IGSF10: variants seen among roughly 807,000 people sequenced by gnomAD.
IGSF10 encodes immunoglobulin superfamily member 10, also known as calvaria mechanical force protein 608.
Under a neutral mutation model 128.2 loss-of-function variants are expected in IGSF10, and 126 were observed. That is an observed-to-expected ratio of 0.98 (90% CI 0.85 to 1.14). The LOEUF (loss-of-function observed/expected upper bound fraction) is 1.14. IGSF10 is among the 50% of genes most tolerant of loss of function. The probability of loss-of-function intolerance (pLI) is 0.00; values close to 1 mark genes in which losing one functional copy is unlikely to be tolerated. For synonymous variants in IGSF10, 1,185 were observed against 1,146.2 expected (o/e 1.03, Z -0.68); for missense variants, 3,295 against 3,149.8 (o/e 1.05, Z -1.10).
rs765077439 is a variant in IGSF10, at chr3:151,448,229, T to C, written c.1752A>G (p.Thr584=). The stretch of plus-strand genomic sequence containing the variant: ...GATCAAGTGTTTCACCAATGAAAAC[T>C]GTGTGATGAATCCCATTTTCCTGAT... ...EAYQENGIHH[T]VFIGETLDLP... Residue 584 remains threonine, a synonymous_variant, in exon 6 of 8, where the codon ACA becomes ACG. Transcript: ENST00000282466. 5 of 1,614,122 alleles carry C rather than the reference T, an allele frequency of 3.1e-6. No homozygotes were observed. The East Asian group carries it at 1.1e-4, about 36-fold the overall frequency.
At chr3:151,529,283 A>G in the IGSF10 span, among the ~76,000 whole-genome samples, 1 of 152,214 alleles carries the variant, frequency 6.6e-6, no homozygotes, top group Non-Finnish European at 1.5e-5. Context: ...GCGCAGCTTC[A>G]GCAGATGTAA....
At chr3:151,607,998 C>T in the IGSF10 span, among the ~76,000 whole-genome samples, 2 of 128,320 alleles carry the variant, frequency 1.6e-5, no homozygotes, top group Admixed American at 1.5e-4. Flanking sequence ...AAACTTAAAA[C>T]ATAAAAAAGA....
At chr3:151,553,847 C>T in the IGSF10 span, among the ~76,000 whole-genome samples, 1 of 151,810 alleles carries the variant, frequency 6.6e-6, no homozygotes, top group African/African-American at 2.4e-5. Context: ...GGCATGGTGG[C>T]TCATGCCTGC....
chr3:151,566,423 G>T, the IGSF10 span, among the ~76,000 whole-genome samples: 2 of 152,282 alleles, frequency 1.3e-5, no homozygotes, highest in African/African-American at 4.8e-5. Context: ...CATTGGTTGT[G>T]TTATGCTATA....
the IGSF10 span, among the ~76,000 whole-genome samples, chr3:151,472,028 A>G: frequency 6.6e-6 from 1 of 152,208 alleles, no homozygotes; most frequent in Non-Finnish European, 1.5e-5. Flanking sequence ...TGAAGCTTCC[A>G]TTGTTGAAAG....
the IGSF10 span, among the ~76,000 whole-genome samples, chr3:151,569,246 A>G: frequency 7.2e-5 from 11 of 152,126 alleles, no homozygotes; most frequent in Admixed American, 7.2e-4. Context: ...AAAGTTTTGT[A>G]GTTTTAGTAG....
At position 151,447,949 on chromosome 3, in the gene IGSF10, C is replaced by G. The variant is rs1721297395; in HGVS notation, c.2032G>C (p.Gly678Arg). 6 of 1,614,024 alleles carry G rather than the reference C, an allele frequency of 3.7e-6. No individual in the cohort carries two copies. The highest frequency in any genetic ancestry group is 1.6e-4 in the Middle Eastern group (1 of 6,062). Residue 678 changes from glycine (G) to arginine (R), a missense_variant, in exon 6 of 8, where the codon GGA (glycine) becomes CGA (arginine). Transcript: ENST00000282466. ...RPLEHDGETE[G>R]SGLDESNPIA... The stretch of plus-strand genomic sequence containing the variant: ...GGATTGGACTCATCAAGTCCAGATC[C>G]CTCTGTTTCTCCATCATGCTCCAAG...
At chr3:151,562,325 G>A in the IGSF10 span, among the ~76,000 whole-genome samples, 1 of 152,116 alleles carries the variant, frequency 6.6e-6, no homozygotes, top group Non-Finnish European at 1.5e-5. Context: ...CCCTTGTTTA[G>A]CATGTCATCA....
At chr3:151,572,132 T>C in the IGSF10 span, among the ~76,000 whole-genome samples, 2 of 152,248 alleles carry the variant, frequency 1.3e-5, no homozygotes, top group Non-Finnish European at 2.9e-5. Flanking sequence ...CGGTATTTTA[T>C]TGAGGATTTT....
the IGSF10 span, among the ~76,000 whole-genome samples, chr3:151,581,790 G>C: frequency 6.6e-6 from 1 of 152,164 alleles, no homozygotes; most frequent in Non-Finnish European, 1.5e-5. Flanking sequence ...GCCATTATTG[G>C]CTGGGCATGG....
At chr3:151,456,544 C>T (rs1176418486) in intron 4 of IGSF10, among the ~76,000 whole-genome samples, 3 of 152,160 alleles carry the variant, frequency 2.0e-5, no homozygotes, top group African/African-American at 4.8e-5. Flanking sequence ...TACTTTCTCA[C>T]TTACTTTTGT....
At chr3:151,593,029 C>T in the IGSF10 span, among the ~76,000 whole-genome samples, 57 of 152,192 alleles carry the variant, frequency 3.7e-4, 1 homozygote, top group Admixed American at 6.5e-4. Flanking sequence ...TGCTTTGGTT[C>T]CATTAGTCAA....
downstream of IGSF10, chr3:151,435,625 TA>T (rs1247124425): frequency 1.4e-4 from 1 of 7,170 alleles, no homozygotes; most frequent in Non-Finnish European, 5.4e-4. Context: ...CTATAATTCT[TA>T]AGTAAGTACT....
Position 151,446,112 on chromosome 3 carries a change from G to A in IGSF10, c.3869C>T (p.Pro1290Leu). 1 of 1,614,128 alleles carries A rather than the reference G, an allele frequency of 6.2e-7. No homozygotes were observed. The highest frequency in any genetic ancestry group is 8.5e-7 in the Non-Finnish European group (1 of 1,180,032). The stretch of plus-strand genomic sequence containing the variant: ...AAGCATAGGGTTAAGGGGTGGGAAG[G>A]GAAGCTCCTTCTTTGTTGGAAGACT... ...PGSLPTKKELPFPPLNPMLPS... is the reference protein window; with the variant it reads ...PGSLPTKKELLFPPLNPMLPS... The change falls in exon 6 of 8, where the codon CCC (proline) becomes CTC (leucine). Residue 1290 changes from proline to leucine, a missense_variant. Coordinates refer to ENST00000282466, the MANE Select transcript of IGSF10 (RefSeq NM_178822.5).
chr3:151,466,264 T>C, the IGSF10 span, among the ~76,000 whole-genome samples: 10 of 152,110 alleles, frequency 6.6e-5, no homozygotes, highest in African/African-American at 1.7e-4. Flanking sequence ...GCTGAGCCCA[T>C]TGTGCTCACT....
the IGSF10 span, among the ~76,000 whole-genome samples, chr3:151,468,728 G>A: frequency 6.6e-6 from 1 of 152,172 alleles, no homozygotes; most frequent in South Asian, 2.1e-4. Flanking sequence ...TGTGAGGGTT[G>A]TTTGTATTTT....
the IGSF10 span, among the ~76,000 whole-genome samples, chr3:151,489,917 C>T: frequency 6.6e-6 from 1 of 152,006 alleles, no homozygotes; most frequent in South Asian, 2.1e-4. Flanking sequence ...ACGTCTATAC[C>T]TATGTAATGA....
chr3:151,478,698 C>T, the IGSF10 span, among the ~76,000 whole-genome samples: 214 of 152,190 alleles, frequency 1.4e-3, no homozygotes, highest in African/African-American at 5.0e-3. Flanking sequence ...AATTCCAATG[C>T]TCTATAAGAA....
At chr3:151,558,438 C>T in the IGSF10 span, among the ~76,000 whole-genome samples, 1 of 152,176 alleles carries the variant, frequency 6.6e-6, no homozygotes, top group African/African-American at 2.4e-5. Context: ...ATTCAAGACA[C>T]TGCCAAGCAC....
Sources: allele counts gnomAD v4.1 joint callset (sites outside exome capture counted in the v4.1 genomes callset), GRCh38; gene constraint gnomAD v4.1.1; transcripts MANE v1.5; gene names NCBI Gene and HGNC (gene_info 2026-07-23, HGNC 2026-07-21).